Variants in SCAPER observed in about 807,000 individuals in gnomAD.
SCAPER encodes S-phase cyclin A associated protein in the ER, also known as S phase cyclin A-associated protein in the endoplasmic reticulum.
Under a neutral mutation model 182.2 loss-of-function variants are expected in SCAPER, and 98 were observed. That is an observed-to-expected ratio of 0.54 (90% CI 0.46 to 0.64). SCAPER has a LOEUF of 0.64. Among genes scored for constraint, SCAPER ranks in the 30% least tolerant of loss-of-function variants. The pLI, the probability that SCAPER is intolerant of heterozygous loss-of-function variation, is 0.00. For missense variants in SCAPER, 1,432 were observed against 1,690.0 expected, an observed-to-expected ratio of 0.85 and a Z score of 2.68; for synonymous variants, 605 against 564.6, an observed-to-expected ratio of 1.07 and a Z score of -1.01.
chr15:76,875,569 G>C (rs1219591940), intron 2 of SCAPER, among the ~76,000 whole-genome samples: 1 of 152,216 alleles, frequency 6.6e-6, no homozygotes, highest in Non-Finnish European at 1.5e-5. Context: ...CTTGAACCTG[G>C]GAGGCGAGGG....
intron 29 of SCAPER, among the ~76,000 whole-genome samples, chr15:76,374,108 A>AG (rs11395666): frequency 1 from 152,108 of 152,110 alleles, 76,053 homozygotes; most frequent in Non-Finnish European, 1. Flanking sequence ...AAAATTAGAA[A>AG]GCTGGGGGCA....
chr15:76,376,717 G>C (rs185998673), intron 28 of SCAPER, among the ~76,000 whole-genome samples: 85 of 151,898 alleles, frequency 5.6e-4, no homozygotes, highest in African/African-American at 1.9e-3. Flanking sequence ...TTTTCTGAAG[G>C]AGAAAATATT....
intron 25 of SCAPER, among the ~76,000 whole-genome samples, chr15:76,436,442 G>GT (rs1382263669): frequency 2.0e-5 from 3 of 151,864 alleles, no homozygotes; most frequent in East Asian, 1.9e-4. Context: ...ATCTTTTTAT[G>GT]TTTTTTCCTG....
intron 22 of SCAPER, among the ~76,000 whole-genome samples, chr15:76,596,744 T>C: frequency 8.3e-6 from 1 of 119,784 alleles, no homozygotes; most frequent in Non-Finnish European, 2.0e-5. Flanking sequence ...GAAAAGGCCT[T>C]CGATAAAATT....
Position 76,857,791 on chromosome 15 carries a change from A to G in SCAPER, c.195+18T>C. ...TGAAATTAAAAGTAAATAAGTAAAAAAGTTATAGATGCTGTACCTGTTTAG... is the reference window on the plus strand; with the variant it reads ...TGAAATTAAAAGTAAATAAGTAAAAGAGTTATAGATGCTGTACCTGTTTAG... On this transcript the variant is annotated intron_variant, in intron 4 of 31. Transcript: ENST00000563290. 6.9e-7 allele frequency: 1 copy of G among 1,446,476 alleles called. No homozygotes were observed. The highest frequency in any genetic ancestry group is 9.3e-7 in the Non-Finnish European group (1 of 1,080,966). The allele number at this position is 1,446,476 out of a possible 1,614,324, so 89.6% of individuals were successfully genotyped here. A position where few individuals can be genotyped will look rare whatever the true frequency, so the allele number is the denominator to read the frequency against.
rs138502698 is a variant in SCAPER at position 76,386,058 on chromosome 15, T to C, written c.3468-4443A>G. 3.2e-3 allele frequency among the ~76,000 whole-genome samples: 485 copies of C among 152,324 alleles called. 5 individuals are homozygous for C. Among genetic ancestry groups the C allele is most frequent in the African/African-American group, 0.011 (463 of 41,582 alleles). ...GCTTTTCCACCTTCTAGAATATGCC[T>C]GAATTCCTTGGCTTATGGCCCCTTA... On this transcript the variant is annotated intron_variant, in intron 27 of 31. Coordinates refer to ENST00000563290, the MANE Select transcript of SCAPER (RefSeq NM_020843.4).
In SCAPER at chr15:76,759,104, T is replaced by C. The variant is rs368585823; in HGVS notation, c.1726-5156A>G. Among the ~76,000 whole-genome samples the C allele has an allele frequency of 2.6e-5, 4 of 152,290 alleles. No homozygotes were observed. The East Asian group carries it at 5.8e-4, about 22-fold the overall frequency. On this transcript the variant is annotated intron_variant, in intron 14 of 31. Coordinates refer to ENST00000563290, the MANE Select transcript of SCAPER (RefSeq NM_020843.4). ...GCTTTTCCCAGTATTTCTAGTACTA[T>C]GTTGGAGAGAAATGGTAAAAGTGGG...
intron 20 of SCAPER, among the ~76,000 whole-genome samples, chr15:76,670,840 G>C (rs931577291): frequency 2.6e-5 from 4 of 152,094 alleles, no homozygotes; most frequent in African/African-American, 9.7e-5. Context: ...TTATGCTTTT[G>C]CTTCTTCTAA....
intron 2 of SCAPER, among the ~76,000 whole-genome samples, chr15:76,874,625 T>C (rs2073017782): frequency 6.6e-6 from 1 of 151,960 alleles, no homozygotes; most frequent in Non-Finnish European, 1.5e-5. Context: ...CCTAGAAACC[T>C]CCACACATCA....
intron 1 of SCAPER, among the ~76,000 whole-genome samples, chr15:76,890,966 T>G (rs1035335296): frequency 2.0e-5 from 3 of 152,130 alleles, no homozygotes; most frequent in African/African-American, 7.2e-5. Context: ...AAAGCTTATC[T>G]ACTCACAATC....
chr15:76,455,584 T>A (rs1382037271), intron 25 of SCAPER, among the ~76,000 whole-genome samples: 1 of 152,210 alleles, frequency 6.6e-6, no homozygotes, highest in Admixed American at 6.5e-5. Flanking sequence ...CTCAAGCAAT[T>A]CTATCTCAGC....
chr15:76,399,768 G>C (rs1472612872), intron 27 of SCAPER, among the ~76,000 whole-genome samples: 1 of 152,084 alleles, frequency 6.6e-6, no homozygotes, highest in Non-Finnish European at 1.5e-5. Context: ...ACTTTGGGAG[G>C]CTGAGGTAGG....
chr15:76,686,216 A>G (rs2058032036), intron 20 of SCAPER, among the ~76,000 whole-genome samples: 1 of 152,094 alleles, frequency 6.6e-6, no homozygotes, highest in African/African-American at 2.4e-5. Context: ...ATAAAAAGGA[A>G]AAGTAAACAA....
In SCAPER at chr15:76,392,568, T is replaced by TACACACACAC. The variant is rs5813838; in HGVS notation, c.3468-10963_3468-10954dup. Among the ~76,000 whole-genome samples, 7 of 150,262 alleles carry TACACACACAC rather than the reference T, an allele frequency of 4.7e-5. 1 individual carries two copies. The highest frequency in any genetic ancestry group is 1.7e-4 in the African/African-American group (7 of 41,204). ...CTGGGCAACATAGGGAGAGCTCGTC[T>TACACACACAC]ACACACACACACACACAAAGCAAAA... On this transcript the variant is annotated intron_variant, in intron 27 of 31. Coordinates refer to ENST00000563290, the MANE Select transcript of SCAPER (RefSeq NM_020843.4).
intron 17 of SCAPER, among the ~76,000 whole-genome samples, 199 bp from the exon 18 acceptor site, chr15:76,706,183 A>T (rs1190865691): frequency 6.6e-6 from 1 of 152,188 alleles, no homozygotes; most frequent in Admixed American, 6.5e-5. Context: ...ATCAGTTATG[A>T]AATGGGTTTC....
chr15:76,490,092 T>C (rs1192229242), intron 24 of SCAPER, among the ~76,000 whole-genome samples: 1 of 152,214 alleles, frequency 6.6e-6, no homozygotes, highest in Non-Finnish European at 1.5e-5. Flanking sequence ...TTGTCAATAG[T>C]GCTGAAATAA....
chr15:76,653,114 TA>T (rs1377690341), intron 21 of SCAPER, among the ~76,000 whole-genome samples: 1 of 152,038 alleles, frequency 6.6e-6, no homozygotes, highest in African/African-American at 2.4e-5. Context: ...ATCTCATTCA[TA>T]ATAGCCACAC....
intron 2 of SCAPER, among the ~76,000 whole-genome samples, chr15:76,867,232 A>C (rs1490028384): frequency 6.6e-6 from 1 of 152,196 alleles, no homozygotes; most frequent in Non-Finnish European, 1.5e-5. Flanking sequence ...CAAGTTCTTC[A>C]AAATCCATTC....
chr15:76,666,102 A>AT (rs2056553637), intron 20 of SCAPER, among the ~76,000 whole-genome samples: 1 of 152,204 alleles, frequency 6.6e-6, no homozygotes, highest in South Asian at 2.1e-4. Flanking sequence ...TATCATCTAT[A>AT]ATACCAAGCC....
Sources: gnomAD v4.1 joint callset for allele counts (sites outside exome capture counted in the v4.1 genomes callset) on GRCh38, gnomAD v4.1.1 for gene constraint, MANE v1.5 for transcripts, NCBI Gene and HGNC (gene_info 2026-07-23, HGNC 2026-07-21) for gene names.